OMA1: variants seen among roughly 807,000 people sequenced by gnomAD.
The protein encoded by OMA1 is metalloendopeptidase OMA1, mitochondrial.
A neutral mutation model predicts 30.9 loss-of-function variants in OMA1; 38 were observed. The ratio of observed to expected loss-of-function variants is 1.23; its 90% CI spans 0.95 to 1.61. The LOEUF is 1.61. OMA1 is among the 40% of genes most tolerant of loss of function. The pLI is 0.00. For missense variants in OMA1, 461 were observed against 349.2 expected (o/e 1.32, Z -2.55); for synonymous variants, 173 against 121.9 (o/e 1.42, Z -2.76).
At chr1:58,508,612 T>TG (rs1646026087) in intron 7 of OMA1, among the ~76,000 whole-genome samples, 1 of 152,178 alleles carries the variant, frequency 6.6e-6, no homozygotes, top group African/African-American at 2.4e-5. Context: ...AGGAAAAACT[T>TG]GGCTTGTGTA....
intron 8 of OMA1, among the ~76,000 whole-genome samples, chr1:58,494,069 G>C (rs1479608483): frequency 6.6e-6 from 1 of 152,096 alleles, no homozygotes; most frequent in African/African-American, 2.4e-5. Flanking sequence ...CCAAAACAGA[G>C]ATATAGACCA....
intron 7 of OMA1, among the ~76,000 whole-genome samples, chr1:58,515,867 A>T (rs1646150880): frequency 6.6e-6 from 1 of 152,128 alleles, no homozygotes; most frequent in Admixed American, 6.5e-5. Flanking sequence ...ATTAGCTCCA[A>T]TTTTCTTTCC....
At chr1:58,482,215 G>A (rs957024378) in intron 8 of OMA1, among the ~76,000 whole-genome samples, 2 of 152,108 alleles carry the variant, frequency 1.3e-5, no homozygotes, top group South Asian at 4.2e-4. Context: ...GGAAAGAGAG[G>A]GCTTACGTCT....
intron 8 of OMA1, among the ~76,000 whole-genome samples, chr1:58,501,330 A>G (rs764058940): frequency 6.9e-4 from 105 of 152,204 alleles, no homozygotes; most frequent in Non-Finnish European, 1.3e-3. Flanking sequence ...ACAATATATT[A>G]TGCTAAAATG....
chr1:58,529,553 G>C (rs933639165), intron 6 of OMA1, among the ~76,000 whole-genome samples: 13 of 152,270 alleles, frequency 8.5e-5, no homozygotes, highest in African/African-American at 3.1e-4. Context: ...TCAAAGCAAT[G>C]ATATTTTAAC....
At chr1:58,528,340 T>C (rs1646382979) in intron 6 of OMA1, among the ~76,000 whole-genome samples, 1 of 152,184 alleles carries the variant, frequency 6.6e-6, no homozygotes, top group Non-Finnish European at 1.5e-5. Context: ...CTAAACCCAG[T>C]AGTATCATAT....
At chr1:58,533,014 T>C (rs1451461294) in intron 5 of OMA1, among the ~76,000 whole-genome samples, 2 of 152,246 alleles carry the variant, frequency 1.3e-5, no homozygotes, top group Non-Finnish European at 2.9e-5. Context: ...GTTACTTGTA[T>C]TTCTGATTTA....
At chr1:58,491,987 T>G (rs1569881971) in intron 8 of OMA1, among the ~76,000 whole-genome samples, 1 of 152,134 alleles carries the variant, frequency 6.6e-6, no homozygotes, top group African/African-American at 2.4e-5. Context: ...ACACCACACC[T>G]ATTCCAAAAT....
intron 8 of OMA1, among the ~76,000 whole-genome samples, chr1:58,481,953 T>G (rs1645492880): frequency 6.6e-6 from 1 of 152,226 alleles, no homozygotes; most frequent in Non-Finnish European, 1.5e-5. Flanking sequence ...CTCAGGTATG[T>G]TTCATTAGCA....
intron 7 of OMA1, among the ~76,000 whole-genome samples, chr1:58,526,342 G>A (rs1251461267): frequency 6.6e-6 from 1 of 152,008 alleles, no homozygotes; most frequent in Non-Finnish European, 1.5e-5. Flanking sequence ...CTTATGAGAG[G>A]TTCAAATAAA....
chr1:58,505,458 CAA>C (rs910300927), intron 8 of OMA1, among the ~76,000 whole-genome samples: 6 of 152,236 alleles, frequency 3.9e-5, no homozygotes, highest in African/African-American at 1.2e-4. Flanking sequence ...GTCAACAAAT[CAA>C]AAGATTTTCA....
intron 7 of OMA1, among the ~76,000 whole-genome samples, chr1:58,517,426 C>T (rs1214712591): frequency 6.6e-6 from 1 of 152,170 alleles, no homozygotes; most frequent in Admixed American, 6.5e-5. Flanking sequence ...CACCTATCAA[C>T]ATCTTCATCA....
At chr1:58,527,453 T>C (rs1338542952) in intron 6 of OMA1, 118 bp from the exon 7 acceptor site, 2 of 636,132 alleles carry the variant, frequency 3.1e-6, no homozygotes, top group African/African-American at 3.7e-5. Flanking sequence ...ATTCCTATAC[T>C]GTCTACTAAC....
chr1:58,512,388 A>T (rs971698486), intron 7 of OMA1, among the ~76,000 whole-genome samples: 1 of 152,202 alleles, frequency 6.6e-6, no homozygotes, highest in Non-Finnish European at 1.5e-5. Context: ...ATGATTCAGA[A>T]ATCCTACTTC....
rs115932496 is a variant in OMA1 at position 58,484,327 on chromosome 1, C to T, written c.1366-3153G>A. Among the ~76,000 whole-genome samples, 720 of 152,258 alleles carry T rather than the reference C, an allele frequency of 4.7e-3. 3 individuals carry two copies. The highest frequency in any genetic ancestry group is 0.017 in the African/African-American group (688 of 41,544). ...CCATTTGGAGATATGTGAAGTCTAA[C>T]ACCCAAAATAGAATGATCTGATCAA... On this transcript the variant is annotated intron_variant, in intron 8 of 8. Coordinates refer to ENST00000371226, the MANE Select transcript of OMA1 (RefSeq NM_145243.5).
At chr1:58,488,355 G>A (rs992688658) in intron 8 of OMA1, among the ~76,000 whole-genome samples, 1 of 151,952 alleles carries the variant, frequency 6.6e-6, no homozygotes, top group African/African-American at 2.4e-5. Flanking sequence ...AGGTTTTTGG[G>A]GAACAGGCAG....
intron 7 of OMA1, among the ~76,000 whole-genome samples, chr1:58,521,884 G>A (rs1421389370): frequency 2.0e-5 from 3 of 152,096 alleles, no homozygotes; most frequent in African/African-American, 7.2e-5. Flanking sequence ...AAGAGAAAAT[G>A]AAGAACACTT....
Position 58,496,169 on chromosome 1 carries a change from C to CTTTTTTTTTTTTTTTTTTTTTTTTT in OMA1, c.1365+9890_1365+9891insAAAAAAAAAAAAAAAAAAAAAAAAA, listed in dbSNP as rs375006213. On this transcript the variant is annotated intron_variant, in intron 8 of 8. Coordinates refer to ENST00000371226, the MANE Select transcript of OMA1 (RefSeq NM_145243.5). ...TTCAATATTCTTTCATTTTTTTAGA[C>CTTTTTTTTTTTTTTTTTTTTTTTTT]TTTTTTTTTTTGGCTTTGGGCATTT... 2.1e-5 allele frequency among the ~76,000 whole-genome samples: 3 copies of CTTTTTTTTTTTTTTTTTTTTTTTTT among 144,928 alleles called. 1 individual carries two copies. The East Asian group carries it at 6.4e-4, about 31-fold the overall frequency.
chr1:58,537,834 G>A (rs1646541224), intron 2 of OMA1, among the ~76,000 whole-genome samples: 1 of 152,092 alleles, frequency 6.6e-6, no homozygotes, highest in Non-Finnish European at 1.5e-5. Flanking sequence ...TATTTAAAAT[G>A]TATGAAAGAC....
Sources: allele counts gnomAD v4.1 joint callset (sites outside exome capture counted in the v4.1 genomes callset), GRCh38; gene constraint gnomAD v4.1.1; transcripts MANE v1.5; gene names NCBI Gene and HGNC (gene_info 2026-07-23, HGNC 2026-07-21).